TMEM132D: variants seen among roughly 807,000 people sequenced by gnomAD.
TMEM132D encodes the protein mature OL transmembrane protein.
Under a neutral mutation model 62.3 loss-of-function variants are expected in TMEM132D, and 21 were observed. That is an observed-to-expected ratio of 0.34 (90% CI 0.24 to 0.49). The LOEUF (loss-of-function observed/expected upper bound fraction) is 0.49. TMEM132D is among the 20% of genes least tolerant of loss of function. TMEM132D has a pLI of 0.99. For missense variants in TMEM132D, 1,346 were observed against 1,402.8 expected (o/e 0.96, Z 0.65); for synonymous variants, 621 against 575.6 (o/e 1.08, Z -1.13).
intron 3 of TMEM132D, among the ~76,000 whole-genome samples, chr12:129,362,857 A>G (rs1870290232): frequency 6.6e-6 from 1 of 152,146 alleles, no homozygotes; most frequent in Non-Finnish European, 1.5e-5. Flanking sequence ...AAATCTCTCC[A>G]CTTCAGGGAT....
At chr12:129,145,358 G>A (rs576657112) in intron 5 of TMEM132D, among the ~76,000 whole-genome samples, 9 of 152,178 alleles carry the variant, frequency 5.9e-5, no homozygotes, top group South Asian at 2.1e-4. Flanking sequence ...TTTACTTGGC[G>A]GGTGGGGGGT....
chr12:129,534,500 A>AAC (rs1190683706), intron 2 of TMEM132D, among the ~76,000 whole-genome samples: 1 of 151,932 alleles, frequency 6.6e-6, no homozygotes, highest in African/African-American at 2.4e-5. Context: ...ATATATCATC[A>AAC]ACACACACAC....
chr12:129,450,720 C>T (rs1379705583), intron 3 of TMEM132D, among the ~76,000 whole-genome samples: 1 of 148,676 alleles, frequency 6.7e-6, no homozygotes, highest in Non-Finnish European at 1.5e-5. Context: ...CCCAGAAGGT[C>T]ATTTCAGCAA....
chr12:129,679,538 G>T (rs1434422639), intron 2 of TMEM132D, among the ~76,000 whole-genome samples: 1 of 151,940 alleles, frequency 6.6e-6, no homozygotes, highest in African/African-American at 2.4e-5. Flanking sequence ...TGTTATTTGT[G>T]TCTGTCACCT....
At chr12:129,723,038 G>A (rs917529568) in intron 1 of TMEM132D, among the ~76,000 whole-genome samples, 22 of 152,048 alleles carry the variant, frequency 1.4e-4, no homozygotes, top group African/African-American at 4.8e-4. Context: ...CACTGTGCCC[G>A]GCCGATCCTG....
chr12:129,259,232 C>A (rs1880488413), intron 4 of TMEM132D, among the ~76,000 whole-genome samples: 1 of 152,158 alleles, frequency 6.6e-6, no homozygotes. Flanking sequence ...GCAGGAGGAT[C>A]TAGGCTGAGC....
chr12:129,524,819 T>C (rs931264232), intron 3 of TMEM132D, among the ~76,000 whole-genome samples: 3 of 151,772 alleles, frequency 2.0e-5, no homozygotes, highest in Non-Finnish European at 4.4e-5. Flanking sequence ...TGCGCCACTG[T>C]ACTCCAGCCT....
At chr12:129,132,970 C>T (rs928541285) in intron 5 of TMEM132D, among the ~76,000 whole-genome samples, 2 of 152,124 alleles carry the variant, frequency 1.3e-5, no homozygotes, top group African/African-American at 2.4e-5. Flanking sequence ...AATGTTCATG[C>T]AGAGATGGCT....
At chr12:129,375,659 G>A (rs141666895) in intron 3 of TMEM132D, among the ~76,000 whole-genome samples, 140 of 152,190 alleles carry the variant, frequency 9.2e-4, no homozygotes, top group African/African-American at 3.2e-3. Flanking sequence ...CAACCTGGAC[G>A]GTCCAGTAGA....
At chr12:129,716,903 A>G (rs1868599633) in intron 1 of TMEM132D, among the ~76,000 whole-genome samples, 1 of 152,244 alleles carries the variant, frequency 6.6e-6, no homozygotes, top group African/African-American at 2.4e-5. Flanking sequence ...ACCCATCTTC[A>G]TGGTCATAGG....
intron 5 of TMEM132D, among the ~76,000 whole-genome samples, chr12:129,191,780 T>TACAC (rs147294092): frequency 2.7e-5 from 4 of 150,018 alleles, no homozygotes; most frequent in East Asian, 2.0e-4. Flanking sequence ...CACACACACA[T>TACAC]ACACACACAC....
chr12:129,748,313 C>T (rs1031435113), intron 1 of TMEM132D, among the ~76,000 whole-genome samples: 2 of 151,932 alleles, frequency 1.3e-5, no homozygotes, highest in Non-Finnish European at 2.9e-5. Flanking sequence ...ATGAAGATAC[C>T]GACTGGCTTT....
intron 4 of TMEM132D, among the ~76,000 whole-genome samples, chr12:129,216,694 A>G (rs1243966585): frequency 6.6e-6 from 1 of 152,208 alleles, no homozygotes; most frequent in African/African-American, 2.4e-5. Context: ...TCATCACTTC[A>G]GTACAGCAGC....
At chr12:129,248,519 G>A (rs958610434) in intron 4 of TMEM132D, among the ~76,000 whole-genome samples, 1 of 93,088 alleles carries the variant, frequency 1.1e-5, no homozygotes, top group African/African-American at 3.6e-5. Flanking sequence ...ATAGAAACAG[G>A]GGCTGATTTT....
At chr12:129,120,127 G>T (rs1024018578) in intron 5 of TMEM132D, among the ~76,000 whole-genome samples, 22 of 152,170 alleles carry the variant, frequency 1.4e-4, no homozygotes, top group African/African-American at 5.1e-4. Context: ...ATGGTGAGGA[G>T]GTTGTATATT....
At chr12:129,422,755 T>A (rs142862216) in intron 3 of TMEM132D, among the ~76,000 whole-genome samples, 29 of 152,212 alleles carry the variant, frequency 1.9e-4, no homozygotes, top group Admixed American at 1.0e-3. Context: ...GATAAAAATA[T>A]CAGGAAAAGA....
chr12:129,592,682 T>A (rs1194972343), intron 2 of TMEM132D, among the ~76,000 whole-genome samples: 1 of 152,230 alleles, frequency 6.6e-6, no homozygotes, highest in East Asian at 1.9e-4. Context: ...TGTTATGATA[T>A]GGAAATGCTG....
chr12:129,163,985 C>T (rs1021383283), intron 5 of TMEM132D, among the ~76,000 whole-genome samples: 15 of 152,212 alleles, frequency 9.9e-5, no homozygotes, highest in African/African-American at 2.9e-4. Context: ...TGTTCAAGTG[C>T]GTGACACCAA....
At chr12:129,085,015 C>G (rs1337202245) in intron 5 of TMEM132D, 5 of 500,314 alleles carry the variant, frequency 1.0e-5, no homozygotes, top group Non-Finnish European at 1.7e-5. Flanking sequence ...TAGAAGACTG[C>G]CCTTAGGTGA....
Sources: allele counts gnomAD v4.1 joint callset (sites outside exome capture counted in the v4.1 genomes callset), GRCh38; gene constraint gnomAD v4.1.1; transcripts MANE v1.5; gene names NCBI Gene and HGNC (gene_info 2026-07-23, HGNC 2026-07-21).